Variants in ITGBL1 observed in about 807,000 individuals in gnomAD.
The protein encoded by ITGBL1 is integrin subunit beta like 1.
A neutral mutation model predicts 68.5 loss-of-function variants in ITGBL1; 51 were observed. That is an observed-to-expected ratio of 0.74 (90% CI 0.59 to 0.94). The LOEUF (loss-of-function observed/expected upper bound fraction) is 0.94. ITGBL1 is among the 40% of genes least tolerant of loss of function. The probability of loss-of-function intolerance (pLI) is 0.00; values close to 1 mark genes in which losing one functional copy is unlikely to be tolerated. For synonymous variants in ITGBL1, 209 were observed against 227.3 expected (o/e 0.92, Z 0.72); for missense variants, 649 against 647.4 (o/e 1.00, Z -0.03).
intron 2 of ITGBL1, among the ~76,000 whole-genome samples, chr13:101,549,847 C>G (rs537200565): frequency 3.3e-5 from 5 of 151,884 alleles, no homozygotes; most frequent in Non-Finnish European, 7.4e-5. Flanking sequence ...ACTTTGAAAA[C>G]AAATCTGGCT....
chr13:101,634,071 C>T (rs1009070081), intron 7 of ITGBL1, among the ~76,000 whole-genome samples: 2 of 152,058 alleles, frequency 1.3e-5, no homozygotes. Context: ...TTATAATATT[C>T]TAATCAATGG....
chr13:101,526,832 A>T lies in ITGBL1; in HGVS notation c.317-40867A>T, dbSNP rs146196921. ...CTTATAATTTTTTCTGAATTATTTG[A>T]TAAGTTGCAGGTATCATGGCATTCT... On this transcript the variant is annotated intron_variant, in intron 2 of 10. Coordinates refer to ENST00000376180, the MANE Select transcript of ITGBL1 (RefSeq NM_004791.3). Among the ~76,000 whole-genome samples, 98 of 152,214 alleles carry T rather than the reference A, an allele frequency of 6.4e-4. 1 individual carries two copies. The highest frequency in any genetic ancestry group is 2.3e-3 in the African/African-American group (94 of 41,544).
chr13:101,563,617 A>G (rs1375277089), intron 2 of ITGBL1, among the ~76,000 whole-genome samples: 1 of 151,890 alleles, frequency 6.6e-6, no homozygotes, highest in Non-Finnish European at 1.5e-5. Context: ...AGATGACTTG[A>G]ATAGCCAATA....
intron 8 of ITGBL1, among the ~76,000 whole-genome samples, chr13:101,699,721 T>C (rs2034089360): frequency 6.6e-6 from 1 of 152,334 alleles, no homozygotes; most frequent in South Asian, 2.1e-4. Context: ...TAAACACAGA[T>C]GTTGTTATCA....
chr13:101,706,267 C>T (rs965526527), intron 8 of ITGBL1, among the ~76,000 whole-genome samples: 4 of 152,130 alleles, frequency 2.6e-5, no homozygotes, highest in Non-Finnish European at 5.9e-5. Flanking sequence ...TATTTGTAAG[C>T]AGAGAGGTAT....
intron 7 of ITGBL1, among the ~76,000 whole-genome samples, chr13:101,666,563 T>C (rs1179450330): frequency 6.6e-6 from 1 of 152,094 alleles, no homozygotes; most frequent in Non-Finnish European, 1.5e-5. Flanking sequence ...TTTGATTTAA[T>C]GTTTTGTTTG....
intron 3 of ITGBL1, among the ~76,000 whole-genome samples, chr13:101,570,584 A>G (rs1006090748): frequency 1.3e-5 from 2 of 152,196 alleles, no homozygotes; most frequent in Non-Finnish European, 2.9e-5. Flanking sequence ...TGAGCAAACA[A>G]TGATTCATGA....
rs2050131709 is a variant in ITGBL1, at chr13:101,563,393, T to C, written c.317-4306T>C. On this transcript the variant is annotated intron_variant, in intron 2 of 10. Transcript: ENST00000376180. ...TTTGAAAATAACAATAAAATTGATT[T>C]ATTTTTAAGCAGACTGATCAAGAAA... 2.0e-5 allele frequency among the ~76,000 whole-genome samples: 3 copies of C among 151,790 alleles called. No individual in the cohort carries two copies. The South Asian group carries it at 6.2e-4, about 31-fold the overall frequency.
intron 2 of ITGBL1, among the ~76,000 whole-genome samples, chr13:101,544,929 G>C (rs1009039048): frequency 1.3e-5 from 2 of 152,194 alleles, no homozygotes; most frequent in Non-Finnish European, 2.9e-5. Context: ...AAAGTGACCC[G>C]ATTTTCCAGG....
At chr13:101,629,793 A>G (rs2031912742) in intron 7 of ITGBL1, among the ~76,000 whole-genome samples, 1 of 151,956 alleles carries the variant, frequency 6.6e-6, no homozygotes, top group South Asian at 2.1e-4. Context: ...CCATTTTCCA[A>G]TTCTCCCATA....
intron 7 of ITGBL1, among the ~76,000 whole-genome samples, chr13:101,613,087 G>T (rs976298961): frequency 6.6e-6 from 1 of 151,976 alleles, no homozygotes; most frequent in Non-Finnish European, 1.5e-5. Context: ...AAACTTTTTG[G>T]ACCCTTAACT....
At chr13:101,463,103 A>C (rs373659797) in intron 2 of ITGBL1, among the ~76,000 whole-genome samples, 1 of 152,172 alleles carries the variant, frequency 6.6e-6, no homozygotes, top group Non-Finnish European at 1.5e-5. Flanking sequence ...CCAAACACAT[A>C]TGAGTGATTA....
chr13:101,709,384 AAAAAAAAAAAAAAAG>A (rs1174061541), intron 9 of ITGBL1, among the ~76,000 whole-genome samples: 1 of 148,950 alleles, frequency 6.7e-6, no homozygotes, highest in Non-Finnish European at 1.5e-5. Flanking sequence ...AAAAAAAAAA[AAAAAAAAAAAAAAAG>A]AAAAGCAGGA....
intron 7 of ITGBL1, among the ~76,000 whole-genome samples, chr13:101,675,887 A>G (rs1304922219): frequency 6.6e-6 from 1 of 152,052 alleles, no homozygotes; most frequent in Non-Finnish European, 1.5e-5. Flanking sequence ...GGTATTTTCT[A>G]CTATCCTATC....
At chr13:101,531,838 A>G (rs1376405750) in intron 2 of ITGBL1, among the ~76,000 whole-genome samples, 3 of 151,686 alleles carry the variant, frequency 2.0e-5, no homozygotes, top group African/African-American at 7.3e-5. Context: ...GGTTCATGCC[A>G]TTCTCCTGCC....
chr13:101,685,256 A>T (rs1490184636), intron 7 of ITGBL1, among the ~76,000 whole-genome samples: 1 of 151,996 alleles, frequency 6.6e-6, no homozygotes, highest in African/African-American at 2.4e-5. Context: ...CTATGACTTT[A>T]TATGCAAAGT....
chr13:101,656,550 C>A (rs1594959105), intron 7 of ITGBL1, among the ~76,000 whole-genome samples: 3 of 152,156 alleles, frequency 2.0e-5, no homozygotes, highest in Admixed American at 6.5e-5. Flanking sequence ...ACTTTCTAGA[C>A]AACTTAGGAA....
At chr13:101,623,279 A>C (rs2031656930) in intron 7 of ITGBL1, among the ~76,000 whole-genome samples, 2 of 152,116 alleles carry the variant, frequency 1.3e-5, no homozygotes, top group Admixed American at 6.6e-5. Flanking sequence ...CTATATAATC[A>C]ACAACTTGTA....
chr13:101,581,981 A>T (rs2050465566), intron 5 of ITGBL1, among the ~76,000 whole-genome samples: 1 of 152,168 alleles, frequency 6.6e-6, no homozygotes, highest in Non-Finnish European at 1.5e-5. Flanking sequence ...AATAATTGCC[A>T]ATCACGATTA....
Sources: gnomAD v4.1 joint callset for allele counts (sites outside exome capture counted in the v4.1 genomes callset) on GRCh38, gnomAD v4.1.1 for gene constraint, MANE v1.5 for transcripts, NCBI Gene and HGNC (gene_info 2026-07-23, HGNC 2026-07-21) for gene names.